CFAP299: variants seen among roughly 807,000 people sequenced by gnomAD.
CFAP299 encodes the protein cilia and flagella associated protein 299.
Under a neutral mutation model 27.0 loss-of-function variants are expected in CFAP299, and 21 were observed. The ratio of observed to expected loss-of-function variants is 0.78; its 90% CI spans 0.55 to 1.12. The LOEUF (loss-of-function observed/expected upper bound fraction) is 1.12, where lower values mean the gene tolerates loss of function less well. CFAP299 is among the 50% of genes most tolerant of loss of function. The pLI, the probability that CFAP299 is intolerant of heterozygous loss-of-function variation, is 0.00. For missense variants in CFAP299, 310 were observed against 276.6 expected (o/e 1.12, Z -0.86); for synonymous variants, 104 against 98.1 (o/e 1.06, Z -0.36).
chr4:80,611,983 A>C (rs943081757), intron 3 of CFAP299, among the ~76,000 whole-genome samples: 1 of 152,094 alleles, frequency 6.6e-6, no homozygotes, highest in African/African-American at 2.4e-5. Flanking sequence ...TTAATGAATA[A>C]ATGCTGTGTG....
At chr4:80,471,025 A>C (rs563469985) in intron 2 of CFAP299, among the ~76,000 whole-genome samples, 1 of 152,158 alleles carries the variant, frequency 6.6e-6, no homozygotes, top group African/African-American at 2.4e-5. Flanking sequence ...GTATTGAGTC[A>C]TGTAATTATC....
intron 4 of CFAP299, among the ~76,000 whole-genome samples, chr4:80,928,792 C>T (rs1395983238): frequency 6.6e-6 from 1 of 152,126 alleles, no homozygotes; most frequent in Non-Finnish European, 1.5e-5. Flanking sequence ...CCAATAACAG[C>T]TACCAAATTT....
intron 4 of CFAP299, among the ~76,000 whole-genome samples, chr4:80,917,103 G>A (rs746013016): frequency 1.2e-4 from 18 of 152,140 alleles, no homozygotes; most frequent in African/African-American, 4.1e-4. Context: ...GTCAGAGATT[G>A]CTCCAAAATT....
chr4:80,853,000 G>C (rs1040034285), intron 3 of CFAP299, among the ~76,000 whole-genome samples: 39 of 151,818 alleles, frequency 2.6e-4, no homozygotes, highest in African/African-American at 8.7e-4. Flanking sequence ...TAAGGAGAAA[G>C]AAAGGCAATT....
At chr4:80,802,665 GCTTT>G (rs950039006) in intron 3 of CFAP299, among the ~76,000 whole-genome samples, 2 of 151,860 alleles carry the variant, frequency 1.3e-5, no homozygotes, top group Non-Finnish European at 2.9e-5. Flanking sequence ...CTTTTTCATT[GCTTT>G]CTATCTCCTT....
chr4:80,512,122 A>G (rs1349855980), intron 2 of CFAP299, among the ~76,000 whole-genome samples: 2 of 152,152 alleles, frequency 1.3e-5, no homozygotes, highest in Non-Finnish European at 1.5e-5. Flanking sequence ...GCGAAATCAG[A>G]TTAAAATGCC....
chr4:80,933,367 G>T (rs984757085), intron 4 of CFAP299, among the ~76,000 whole-genome samples: 1 of 152,136 alleles, frequency 6.6e-6, no homozygotes, highest in Admixed American at 6.6e-5. Context: ...GGCTATTTTA[G>T]GTTCCACATA....
intron 2 of CFAP299, among the ~76,000 whole-genome samples, chr4:80,443,375 C>T (rs980580694): frequency 6.6e-6 from 1 of 152,186 alleles, no homozygotes; most frequent in African/African-American, 2.4e-5. Context: ...GCTGGTTCAA[C>T]ATGCACAAGT....
chr4:80,932,181 A>G (rs1736657942), intron 4 of CFAP299, among the ~76,000 whole-genome samples: 1 of 152,166 alleles, frequency 6.6e-6, no homozygotes, highest in Admixed American at 6.5e-5. Context: ...AATAATACAT[A>G]ACTAAATGAC....
intron 2 of CFAP299, among the ~76,000 whole-genome samples, chr4:80,540,681 T>TA (rs1452883015): frequency 6.6e-6 from 1 of 152,174 alleles, no homozygotes; most frequent in East Asian, 1.9e-4. Context: ...GATAGCAAGT[T>TA]AAAAAACCTC....
At chr4:80,369,782 A>G (rs930059098) in intron 2 of CFAP299, among the ~76,000 whole-genome samples, 1 of 152,194 alleles carries the variant, frequency 6.6e-6, no homozygotes, top group Admixed American at 6.5e-5. Context: ...GTGCATGCAC[A>G]TCGGTTTTTA....
intron 4 of CFAP299, among the ~76,000 whole-genome samples, chr4:80,893,102 AG>A (rs1734426891): frequency 6.6e-6 from 1 of 151,934 alleles, no homozygotes; most frequent in African/African-American, 2.4e-5. Flanking sequence ...AACTATCTAA[AG>A]AAGAAATTTA....
intron 3 of CFAP299, among the ~76,000 whole-genome samples, chr4:80,686,055 T>TA (rs1226747309): frequency 6.6e-6 from 1 of 152,152 alleles, no homozygotes; most frequent in East Asian, 1.9e-4. Flanking sequence ...TTTCACAGTT[T>TA]AATTGAAAAT....
At chr4:80,805,815 G>A (rs115522037) in intron 3 of CFAP299, among the ~76,000 whole-genome samples, 1,672 of 152,210 alleles carry the variant, frequency 0.011, 33 homozygotes, top group African/African-American at 0.036. Flanking sequence ...TTGAGGCTGC[G>A]GTGAGCCAAC....
intron 4 of CFAP299, among the ~76,000 whole-genome samples, chr4:80,924,779 T>C (rs1387792165): frequency 6.6e-6 from 1 of 151,444 alleles, no homozygotes; most frequent in African/African-American, 2.4e-5. Context: ...TATTATACTC[T>C]TTCTTATTAT....
intron 5 of CFAP299, among the ~76,000 whole-genome samples, chr4:80,952,479 G>A (rs1209681526): frequency 6.6e-6 from 1 of 152,086 alleles, no homozygotes; most frequent in Admixed American, 6.6e-5. Context: ...AGTAAATGGT[G>A]ATTTTTTCCA....
intron 3 of CFAP299, among the ~76,000 whole-genome samples, chr4:80,840,481 T>C (rs141257044): frequency 6.6e-6 from 1 of 152,240 alleles, no homozygotes; most frequent in African/African-American, 2.4e-5. Context: ...CATGGGCAGA[T>C]AAGAAAGATA....
In CFAP299 at chr4:80,610,617, G is replaced by A. The variant is rs139668345; in HGVS notation, c.333+27434G>A. Reference sequence around the variant, plus strand: ...CAGAATGTATATTAGTTTAGTTAGTGCCATTTAAAGAACTTTTTAAAAAAA... The same window carrying A: ...CAGAATGTATATTAGTTTAGTTAGTACCATTTAAAGAACTTTTTAAAAAAA... On this transcript the variant is annotated intron_variant, in intron 3 of 5. Coordinates refer to ENST00000358105, the MANE Select transcript of CFAP299 (RefSeq NM_152770.3). 6.8e-3 allele frequency among the ~76,000 whole-genome samples: 1,035 copies of A among 152,036 alleles called. 17 individuals are homozygous for A. The highest frequency in any genetic ancestry group is 0.024 in the African/African-American group (994 of 41,452).
At chr4:80,553,318 A>T (rs1160809552) in intron 2 of CFAP299, among the ~76,000 whole-genome samples, 1 of 152,194 alleles carries the variant, frequency 6.6e-6, no homozygotes, top group Non-Finnish European at 1.5e-5. Flanking sequence ...CACAAAAGAC[A>T]GGATCCCATT....
Sources: allele counts gnomAD v4.1 joint callset (sites outside exome capture counted in the v4.1 genomes callset), GRCh38; gene constraint gnomAD v4.1.1; transcripts MANE v1.5; gene names NCBI Gene and HGNC (gene_info 2026-07-23, HGNC 2026-07-21).